The following KMT2C variants were observed in gnomAD, a reference collection of about 807,000 sequenced individuals.
KMT2C encodes lysine methyltransferase 2C, also known as histone-lysine N-methyltransferase 2C.
KMT2C carries 88 observed loss-of-function variants against 507.9 expected under a neutral mutation model. The observed-to-expected ratio is 0.17, with a 90% CI of 0.15 to 0.21. KMT2C has a LOEUF of 0.21. KMT2C is among the 10% of genes least tolerant of loss of function. The pLI is 1.00. For synonymous variants in KMT2C, 2,049 were observed against 2,080.8 expected, an observed-to-expected ratio of 0.98 and a Z score of 0.42; for missense variants, 4,954 against 5,957.8, an observed-to-expected ratio of 0.83 and a Z score of 5.55.
intron 41 of KMT2C, among the ~76,000 whole-genome samples, chr7:152,168,401 G>A (rs925189577): frequency 6.6e-6 from 1 of 152,164 alleles, no homozygotes; most frequent in South Asian, 2.1e-4. Context: ...AACAATTAAT[G>A]TAGGGGGAAT....
intron 1 of KMT2C, among the ~76,000 whole-genome samples, chr7:152,361,973 C>G (rs2097201174): frequency 2.0e-5 from 3 of 152,130 alleles, no homozygotes; most frequent in South Asian, 4.1e-4. Context: ...CTAGATTACT[C>G]TATCAATCTT....
At chr7:152,321,619 T>C (rs757150548) in intron 3 of KMT2C, among the ~76,000 whole-genome samples, 13 of 152,020 alleles carry the variant, frequency 8.6e-5, no homozygotes, top group Non-Finnish European at 1.5e-4. Context: ...CATTTCTATA[T>C]ACTAACAGCA....
chr7:152,152,593 T>A (rs2129097200), intron 49 of KMT2C, 112 bp downstream of exon 49: 2 of 1,308,230 alleles, frequency 1.5e-6, no homozygotes, highest in Non-Finnish European at 2.2e-6. Flanking sequence ...CCAAGGACTA[T>A]ACGCCAGCAT....
At chr7:152,339,286 G>C (rs1459513519) in intron 2 of KMT2C, among the ~76,000 whole-genome samples, 1 of 152,094 alleles carries the variant, frequency 6.6e-6, no homozygotes, top group East Asian at 1.9e-4. Context: ...CCAAAATTTA[G>C]AATTCTAAGA....
At chr7:152,289,493 T>C (rs936563151) in intron 6 of KMT2C, among the ~76,000 whole-genome samples, 19 of 152,226 alleles carry the variant, frequency 1.2e-4, no homozygotes, top group African/African-American at 4.3e-4. Context: ...ATGTGATTTA[T>C]AAACTGAAAT....
chr7:152,178,030 A>T lies in KMT2C; in HGVS notation c.7443-20T>A. 1 of 1,396,192 alleles carries T rather than the reference A, an allele frequency of 7.2e-7. No individual in the cohort carries two copies. The highest frequency in any genetic ancestry group is 1.9e-5 in the South Asian group (1 of 53,896). The allele number at this position is 1,396,192 out of a possible 1,614,324, so 86.5% of individuals were successfully genotyped here. ...CCAAATCTTTTAAAAAAAAAAAAAAAAAAAAAAAAAAAGCAAATAGGTATT... is the reference window on the plus strand; with the variant it reads ...CCAAATCTTTTAAAAAAAAAAAAAATAAAAAAAAAAAAGCAAATAGGTATT... On this transcript the variant is annotated intron_variant, in intron 37 of 58. Transcript: ENST00000262189.
chr7:152,210,220 C>A (rs2094422251), intron 23 of KMT2C, among the ~76,000 whole-genome samples: 1 of 152,114 alleles, frequency 6.6e-6, no homozygotes, highest in African/African-American at 2.4e-5. Flanking sequence ...CTGAGCAGTT[C>A]AAGAAGAACA....
chr7:152,302,258 T>C (rs1017845446), intron 6 of KMT2C, among the ~76,000 whole-genome samples: 6 of 152,088 alleles, frequency 3.9e-5, no homozygotes, highest in African/African-American at 1.2e-4. Flanking sequence ...TTTTTTGAGA[T>C]GGAGTTTTAG....
At chr7:152,156,436 T>C (rs1018857503) in intron 44 of KMT2C, 90 bp from the exon 45 acceptor site, 9 of 1,497,134 alleles carry the variant, frequency 6.0e-6, no homozygotes, top group African/African-American at 4.2e-5. Context: ...TTTTTGCACA[T>C]AGAAGCAAGG....
At chr7:152,212,281 A>C (rs959538826) in intron 23 of KMT2C, among the ~76,000 whole-genome samples, 2 of 152,208 alleles carry the variant, frequency 1.3e-5, no homozygotes, top group Non-Finnish European at 2.9e-5. Context: ...AGACCTCTGT[A>C]TTTCTTGTAT....
chr7:152,368,579 A>G (rs1038392258), intron 1 of KMT2C: 5 of 1,407,464 alleles, frequency 3.6e-6, no homozygotes, highest in Non-Finnish European at 5.0e-6. Context: ...GAGAAGGCAA[A>G]CTGGGAAGCT....
intron 6 of KMT2C, among the ~76,000 whole-genome samples, chr7:152,285,070 GA>G (rs1356119341): frequency 6.6e-6 from 1 of 152,296 alleles, no homozygotes; most frequent in Non-Finnish European, 1.5e-5. Context: ...CAAGAAACAT[GA>G]AAAGATACAT....
At chr7:152,262,954 T>C (rs1469653096) in intron 9 of KMT2C, 62 bp downstream of exon 9, 1 of 1,236,188 alleles carries the variant, frequency 8.1e-7, no homozygotes, top group Non-Finnish European at 1.1e-6. Context: ...GGTATCCGAT[T>C]TGTCTGGTCT....
chr7:152,352,548 C>T (rs867307010), intron 2 of KMT2C, among the ~76,000 whole-genome samples: 5 of 152,136 alleles, frequency 3.3e-5, no homozygotes, highest in Middle Eastern at 3.2e-3. Context: ...ATGTCTCCCC[C>T]GGATGCCCAG....
In KMT2C at chr7:152,183,996, T is replaced by C. The variant is rs544798020; in HGVS notation, c.5083-840A>G. On this transcript the variant is annotated intron_variant, in intron 34 of 58. Coordinates refer to ENST00000262189, the MANE Select transcript of KMT2C (RefSeq NM_170606.3). ...CTGGGGCAGGAGAATCGCTTGAATC[T>C]GGAAGGCAGAGGTTGCAGTGAGCCG... Among the ~76,000 whole-genome samples the C allele has an allele frequency of 1.1e-4, 16 of 147,620 alleles. No homozygotes were observed. The South Asian group carries it at 3.4e-3, about 32-fold the overall frequency.
intron 58 of KMT2C, 52 bp from the exon 59 acceptor site, chr7:152,136,976 C>T (rs762710731): frequency 1.1e-5 from 15 of 1,339,292 alleles, no homozygotes; most frequent in South Asian, 7.1e-5. Flanking sequence ...AAGGCAATAG[C>T]GTTTCTGCCT....
At chr7:152,342,842 G>C (rs954337425) in intron 2 of KMT2C, among the ~76,000 whole-genome samples, 3 of 152,306 alleles carry the variant, frequency 2.0e-5, no homozygotes, top group Middle Eastern at 6.8e-3. Context: ...GCCTTCAGGA[G>C]AAACTATTTA....
intron 1 of KMT2C, among the ~76,000 whole-genome samples, chr7:152,363,668 G>A (rs1224709884): frequency 1.3e-5 from 2 of 152,112 alleles, no homozygotes; most frequent in Admixed American, 6.6e-5. Flanking sequence ...CAAAATGAGA[G>A]CTGAAATGAG....
At chr7:152,239,052 G>A (rs545190669) in intron 14 of KMT2C, 17 of 393,454 alleles carry the variant, frequency 4.3e-5, no homozygotes, top group African/African-American at 3.7e-4. Flanking sequence ...ATTTTATTCT[G>A]CCTGAGACAT....
Sources: allele counts gnomAD v4.1 joint callset (sites outside exome capture counted in the v4.1 genomes callset), GRCh38; gene constraint gnomAD v4.1.1; transcripts MANE v1.5; gene names NCBI Gene and HGNC (gene_info 2026-07-23, HGNC 2026-07-21).